Variants in PPP4R1 observed in about 807,000 individuals in gnomAD.
PPP4R1 encodes serine/threonine-protein phosphatase 4 regulatory subunit 1.
In PPP4R1, 42 loss-of-function variants were observed where a neutral mutation model predicts 111.2. That is an observed-to-expected ratio of 0.38 (90% CI 0.29 to 0.49). The LOEUF is 0.49. PPP4R1 is among the 20% of genes least tolerant of loss of function. The pLI is 0.97. For synonymous variants in PPP4R1, 409 were observed against 405.5 expected, an observed-to-expected ratio of 1.01 and a Z score of -0.10; for missense variants, 1,012 against 1,161.6, an observed-to-expected ratio of 0.87 and a Z score of 1.87.
chr18:9,575,250 C>T (rs1011257237), intron 10 of PPP4R1, among the ~76,000 whole-genome samples: 3 of 152,158 alleles, frequency 2.0e-5, no homozygotes, highest in Non-Finnish European at 2.9e-5. Context: ...TTCTATCTTT[C>T]CATTTACAGT....
chr18:9,590,235 G>A (rs915850227), intron 4 of PPP4R1: 7 of 152,110 alleles, frequency 4.6e-5, no homozygotes, highest in African/African-American at 1.7e-4. Context: ...TATCAACAGA[G>A]AAATTAACAT....
intron 9 of PPP4R1, among the ~76,000 whole-genome samples, chr18:9,578,496 C>T (rs1371653680): frequency 4.0e-5 from 6 of 151,832 alleles, no homozygotes; most frequent in African/African-American, 1.5e-4. Flanking sequence ...ACCTCCTCCT[C>T]CCAAAGTGTT....
In PPP4R1 at chr18:9,557,284, T is replaced by A. The variant is rs770557950; in HGVS notation, c.2127A>T (p.Gly709=). The change falls in exon 15 of 20, where the codon GGA becomes GGT. Residue 709 remains glycine, a synonymous_variant. Coordinates refer to ENST00000400556, the MANE Select transcript of PPP4R1 (RefSeq NM_001042388.3). ...TGACTTCATCGAGGTCTTTTAAAAA[T>A]CCATTAAAAATTGGAACCAGATCTG... ...TAADLVPIFN[G]FLKDLDEVRI... 6.2e-7 allele frequency: 1 copy of A among 1,613,084 alleles called. No individual in the cohort carries two copies. The highest frequency in any genetic ancestry group is 2.2e-5 in the East Asian group (1 of 44,826).
In PPP4R1 at chr18:9,599,997, T is replaced by C. The variant is rs955396786; in HGVS notation, c.53-4844A>G. 2.6e-5 allele frequency among the ~76,000 whole-genome samples: 4 copies of C among 152,254 alleles called. No individual in the cohort carries two copies. In the South Asian group the frequency reaches 6.2e-4, roughly 24 times the overall value. On this transcript the variant is annotated intron_variant, in intron 2 of 19. Transcript: ENST00000400556. ...GGAGTAAGGCTCAGGAGCATTTATT[T>C]TTAAATGAATAACCCCACTAATTTA...
chr18:9,571,830 A>T (rs948008047), intron 10 of PPP4R1, among the ~76,000 whole-genome samples: 1 of 152,254 alleles, frequency 6.6e-6, no homozygotes. Flanking sequence ...ATTCCAGACC[A>T]GCAGACCTCC....
intron 10 of PPP4R1, among the ~76,000 whole-genome samples, chr18:9,572,954 T>G (rs2066884599): frequency 6.6e-6 from 1 of 152,240 alleles, no homozygotes; most frequent in South Asian, 2.1e-4. Flanking sequence ...GCACTGGCAC[T>G]ACGTTAATAT....
chr18:9,611,809 C>T (rs1869738), intron 2 of PPP4R1, among the ~76,000 whole-genome samples: 24,888 of 151,612 alleles, frequency 0.16, 2,831 homozygotes, highest in African/African-American at 0.32. Flanking sequence ...GTCGGGAGTT[C>T]GAGACCAGCC....
chr18:9,597,954 AG>A lies in PPP4R1; in HGVS notation c.53-2802del, dbSNP rs201648494. Among the ~76,000 whole-genome samples, 1,256 of 152,280 alleles carry A rather than the reference AG, an allele frequency of 8.2e-3. 19 individuals carry two copies. The highest frequency in any genetic ancestry group is 0.029 in the African/African-American group (1,185 of 41,568). ...CTATATTCCATACATTTAAGAAGGC[AG>A]AAAAAAAGAGCATGTTAAGAACAGA... On this transcript the variant is annotated intron_variant, in intron 2 of 19. Transcript: ENST00000400556.
chr18:9,609,106 A>G (rs910089345), intron 2 of PPP4R1, among the ~76,000 whole-genome samples: 4 of 152,098 alleles, frequency 2.6e-5, no homozygotes, highest in Non-Finnish European at 5.9e-5. Context: ...CAGAGGTATC[A>G]TTAATTGATC....
intron 9 of PPP4R1, 108 bp downstream of exon 9, chr18:9,583,009 A>T (rs1208404790): frequency 9.5e-7 from 1 of 1,054,976 alleles, no homozygotes; most frequent in African/African-American, 1.6e-5. Flanking sequence ...AAAGTATAAA[A>T]AATAATATAT....
rs2066603965 is a variant in PPP4R1, at chr18:9,557,369, C to T, written c.2042G>A (p.Arg681Gln). The part of the protein sequence containing the change: ...LASDMQWKVR[R>Q]TLAFSIHELA... ...CTCGTGGATGGAGAATGCTAGAGTT[C>T]GTCGAACTTTCCACTGCAGAAATGA... The change falls in exon 15 of 20, where the codon CGA (arginine) becomes CAA (glutamine). Residue 681 changes from arginine (R) to glutamine (Q), a missense_variant. By Grantham distance (43) the Arg-to-Gln change is conservative. This residue lies in a region of PPP4R1 where 305 missense variants were observed against 419.5 expected (regional missense o/e 0.73). Transcript: ENST00000400556. 5.0e-6 allele frequency: 8 copies of T among 1,600,278 alleles called. No homozygotes were observed. The highest frequency in any genetic ancestry group is 1.8e-5 in the Admixed American group (1 of 55,754).
At chr18:9,609,869 C>T (rs1317939823) in intron 2 of PPP4R1, among the ~76,000 whole-genome samples, 1 of 152,246 alleles carries the variant, frequency 6.6e-6, no homozygotes, top group East Asian at 1.9e-4. Context: ...AATCAGAAGG[C>T]CTAGCTTAAA....
chr18:9,559,337 C>T, intron 14 of PPP4R1, 82 bp downstream of exon 14: 2 of 1,304,950 alleles, frequency 1.5e-6, no homozygotes, highest in Non-Finnish European at 2.1e-6. Context: ...AGAACATGAA[C>T]AGAAATTCTT....
At chr18:9,582,646 AGAG>A (rs1169005073) in intron 9 of PPP4R1, among the ~76,000 whole-genome samples, 2 of 152,198 alleles carry the variant, frequency 1.3e-5, no homozygotes, top group African/African-American at 2.4e-5. Flanking sequence ...CAAAAACAGT[AGAG>A]GAGGGAACAT....
At chr18:9,591,359 A>G (rs1568118206) in intron 4 of PPP4R1, among the ~76,000 whole-genome samples, 1 of 151,794 alleles carries the variant, frequency 6.6e-6, no homozygotes, top group Non-Finnish European at 1.5e-5. Flanking sequence ...AAAAAAAAAA[A>G]GATACCCAAA....
chr18:9,613,253 C>T (rs2067614497), intron 2 of PPP4R1, among the ~76,000 whole-genome samples: 3 of 152,220 alleles, frequency 2.0e-5, no homozygotes, highest in Non-Finnish European at 1.5e-5. Flanking sequence ...AAATGCATCT[C>T]AAAACCTATT....
chr18:9,590,513 A>C (rs2067193025), intron 4 of PPP4R1, among the ~76,000 whole-genome samples: 1 of 152,248 alleles, frequency 6.6e-6, no homozygotes, highest in African/African-American at 2.4e-5. Context: ...GGTTTCAGTT[A>C]AAAATGAAAT....
intron 11 of PPP4R1, among the ~76,000 whole-genome samples, chr18:9,564,738 G>GTGTGTGTGTGTGT (rs67103985): frequency 3.2e-4 from 4 of 12,522 alleles, no homozygotes; most frequent in South Asian, 1.2e-3. Context: ...GTGTGTGTGT[G>GTGTGTGTGTGTGT]GGGGTATCAT....
intron 4 of PPP4R1, among the ~76,000 whole-genome samples, chr18:9,593,517 G>T (rs1200611205): frequency 6.6e-6 from 1 of 151,944 alleles, no homozygotes; most frequent in African/African-American, 2.4e-5. Context: ...TACTATACAT[G>T]ATGCAAAACA....
Sources: gnomAD v4.1 joint callset for allele counts (sites outside exome capture counted in the v4.1 genomes callset) on GRCh38, gnomAD v4.1.1 for gene constraint, gnomAD v4.1.1 regional missense constraint, MANE v1.5 for transcripts, NCBI Gene and HGNC (gene_info 2026-07-23, HGNC 2026-07-21) for gene names.